The following STT3B variants were observed in gnomAD, a reference collection of about 807,000 sequenced individuals.
STT3B encodes the protein STT3 oligosaccharyltransferase complex catalytic subunit B.
In STT3B, 29 loss-of-function variants were observed where a neutral mutation model predicts 96.8. That is an observed-to-expected ratio of 0.30 (90% CI 0.22 to 0.41). The LOEUF is 0.41. Ranked by LOEUF, STT3B falls within the 10% of genes least tolerant of loss-of-function variation. The probability of loss-of-function intolerance (pLI) is 1.00; values close to 1 mark genes in which losing one functional copy is unlikely to be tolerated. For synonymous variants in STT3B, 367 were observed against 360.0 expected (o/e 1.02, Z -0.22); for missense variants, 640 against 1,022.3 (o/e 0.63, Z 5.10).
chr3:31,603,830 A>T (rs578069000), intron 5 of STT3B, among the ~76,000 whole-genome samples: 1 of 152,300 alleles, frequency 6.6e-6, no homozygotes, highest in South Asian at 2.1e-4. Context: ...CTTTAAATTT[A>T]ATCTTTTTGA....
chr3:31,625,117 T>C (rs1559391752), intron 12 of STT3B, 32 bp downstream of exon 12: 1 of 1,589,662 alleles, frequency 6.3e-7, no homozygotes, highest in Non-Finnish European at 8.6e-7. Context: ...GGTTAAAAAA[T>C]CTTTATTCAC....
chr3:31,623,463 G>A (rs2125476287), intron 10 of STT3B, among the ~76,000 whole-genome samples: 1 of 152,266 alleles, frequency 6.6e-6, no homozygotes, highest in Admixed American at 6.5e-5. Flanking sequence ...TCTGTGACCA[G>A]TTTCTGGATT....
chr3:31,593,684 T>C (rs1698719799), intron 3 of STT3B, among the ~76,000 whole-genome samples: 1 of 152,176 alleles, frequency 6.6e-6, no homozygotes. Flanking sequence ...TTATTCCATT[T>C]ATTATGCTTT....
chr3:31,541,346 A>T (rs1697259173), intron 1 of STT3B, among the ~76,000 whole-genome samples: 1 of 152,122 alleles, frequency 6.6e-6, no homozygotes. Context: ...TAGTGATGAC[A>T]TCCTTCCTTT....
chr3:31,591,520 C>G (rs114811728), intron 3 of STT3B, among the ~76,000 whole-genome samples: 2 of 151,962 alleles, frequency 1.3e-5, no homozygotes, highest in Admixed American at 6.6e-5. Context: ...GATTGTTTAG[C>G]CTGTTATTGC....
chr3:31,538,047 A>G (rs1393580568), intron 1 of STT3B, among the ~76,000 whole-genome samples: 1 of 152,182 alleles, frequency 6.6e-6, no homozygotes, highest in Non-Finnish European at 1.5e-5. Flanking sequence ...CCCACAATTC[A>G]ACAGACCTAT....
At position 31,630,804 on chromosome 3, in the gene STT3B, G is replaced by T. The variant is rs9862694; in HGVS notation, c.2187+1393G>T. ...CGTGTTTTTTTGTGGTGTTTTTTTT[G>T]TTTTTTTTTTGAGAGGGAGTCTCGC... On this transcript the variant is annotated intron_variant, in intron 14 of 15. Transcript: ENST00000295770. Among the ~76,000 whole-genome samples, 179 of 140,304 alleles carry T rather than the reference G, an allele frequency of 1.3e-3. 2 individuals carry two copies. Among genetic ancestry groups the T allele is most frequent in the Middle Eastern group, 7.2e-3 (2 of 278 alleles). The allele number at this position is 140,304 out of a possible 152,430, so 92.0% of individuals were successfully genotyped here.
At chr3:31,634,859 A>G (rs949514356) in intron 15 of STT3B, among the ~76,000 whole-genome samples, 3 of 152,192 alleles carry the variant, frequency 2.0e-5, no homozygotes, top group South Asian at 2.1e-4. Context: ...TCTGGTTTGA[A>G]TTTTTAAAAA....
chr3:31,626,217 C>A, intron 13 of STT3B, 90 bp downstream of exon 13: 1 of 1,194,924 alleles, frequency 8.4e-7, no homozygotes, highest in East Asian at 2.4e-5. Flanking sequence ...GTATTTGTTT[C>A]ATCATCCTAT....
intron 9 of STT3B, chr3:31,620,229 C>A: frequency 5.7e-6 from 1 of 176,974 alleles, no homozygotes; most frequent in Non-Finnish European, 1.1e-5. Flanking sequence ...GAGTCAAGAT[C>A]AAGCCACTGC....
At chr3:31,581,806 C>T (rs1698410288) in intron 3 of STT3B, among the ~76,000 whole-genome samples, 2 of 152,114 alleles carry the variant, frequency 1.3e-5, no homozygotes, top group South Asian at 4.2e-4. Context: ...TAGAATTCAC[C>T]AGTGAAGCCA....
intron 13 of STT3B, among the ~76,000 whole-genome samples, chr3:31,628,625 TAACCCCATAAAAA>T (rs1190108920): frequency 6.6e-6 from 1 of 152,142 alleles, no homozygotes; most frequent in East Asian, 1.9e-4. Context: ...ATTTATAAGT[TAACCCCATAAAAA>T]TTACCACAGG....
chr3:31,605,635 C>T (rs1405279112), intron 5 of STT3B, among the ~76,000 whole-genome samples: 5 of 152,172 alleles, frequency 3.3e-5, no homozygotes, highest in Non-Finnish European at 5.9e-5. Context: ...CTCCCAGCCA[C>T]GTGGAACTGT....
intron 1 of STT3B, among the ~76,000 whole-genome samples, chr3:31,551,250 C>A (rs1004533073): frequency 6.6e-6 from 1 of 151,774 alleles, no homozygotes; most frequent in Admixed American, 6.6e-5. Flanking sequence ...GGGTCTTGTT[C>A]TGTCACCCAC....
At chr3:31,539,275 A>G (rs2125433879) in intron 1 of STT3B, among the ~76,000 whole-genome samples, 1 of 152,204 alleles carries the variant, frequency 6.6e-6, no homozygotes, top group South Asian at 2.1e-4. Flanking sequence ...AACCATGTCT[A>G]TTTCTTTTCT....
At chr3:31,616,295 C>A (rs886973938) in intron 6 of STT3B, among the ~76,000 whole-genome samples, 1 of 151,842 alleles carries the variant, frequency 6.6e-6, no homozygotes, top group Non-Finnish European at 1.5e-5. Context: ...GAATGAGGAT[C>A]TTATAACCTA....
chr3:31,548,993 T>C (rs941069804), intron 1 of STT3B, among the ~76,000 whole-genome samples: 1 of 152,200 alleles, frequency 6.6e-6, no homozygotes, highest in African/African-American at 2.4e-5. Flanking sequence ...GTTAATTTTA[T>C]TTAATCTGGT....
intron 1 of STT3B, among the ~76,000 whole-genome samples, chr3:31,548,004 A>G (rs887423814): frequency 1.1e-4 from 16 of 152,304 alleles, no homozygotes; most frequent in African/African-American, 3.8e-4. Flanking sequence ...ATTCTTGGAC[A>G]TGTAATGAAA....
rs537545224 is a variant in STT3B at position 31,580,690 on chromosome 3, C to T, written c.711+594C>T. Among the ~76,000 whole-genome samples, 7 of 152,088 alleles carry T rather than the reference C, an allele frequency of 4.6e-5. No individual in the cohort carries two copies. The South Asian group carries it at 1.5e-3, about 32-fold the overall frequency. ...AGGTGAATGGCAGCATAAATTTTCT[C>T]TTTAATAATTATTTTATATTGTTCA... On this transcript the variant is annotated intron_variant, in intron 3 of 15. Transcript: ENST00000295770.
Sources: allele counts gnomAD v4.1 joint callset (sites outside exome capture counted in the v4.1 genomes callset), GRCh38; gene constraint gnomAD v4.1.1; transcripts MANE v1.5; gene names NCBI Gene and HGNC (gene_info 2026-07-23, HGNC 2026-07-21).